MED27: variants seen among roughly 807,000 people sequenced by gnomAD.
The protein encoded by MED27 is mediator complex subunit 27, also known as mediator of RNA polymerase II transcription subunit 27.
A neutral mutation model predicts 38.2 loss-of-function variants in MED27; 30 were observed. That is an observed-to-expected ratio of 0.79 (90% confidence interval 0.59 to 1.07). The LOEUF is 1.07. Ranked by LOEUF, MED27 falls within the 50% of genes least tolerant of loss-of-function variation. The probability of loss-of-function intolerance (pLI) is 0.00; values close to 1 mark genes in which losing one functional copy is unlikely to be tolerated. For synonymous variants in MED27, 122 were observed against 153.5 expected, an observed-to-expected ratio of 0.79 and a Z score of 1.52; for missense variants, 289 against 397.5, an observed-to-expected ratio of 0.73 and a Z score of 2.32.
intron 2 of MED27, among the ~76,000 whole-genome samples, chr9:132,052,046 G>C (rs1833475592): frequency 6.6e-6 from 1 of 152,164 alleles, no homozygotes; most frequent in Non-Finnish European, 1.5e-5. Context: ...TCCAGCCCAA[G>C]CATGAGATTT....
chr9:131,926,243 T>C (rs1830481279), intron 4 of MED27, among the ~76,000 whole-genome samples: 1 of 152,266 alleles, frequency 6.6e-6, no homozygotes, highest in African/African-American at 2.4e-5. Context: ...ACTATGCCTT[T>C]ATCTCCAGGG....
chr9:131,939,284 C>T (rs1589223275), intron 4 of MED27, 97 bp downstream of exon 4: 1 of 633,612 alleles, frequency 1.6e-6, no homozygotes, highest in Non-Finnish European at 2.5e-6. Context: ...GGAATTTAAT[C>T]CCCATTCTCT....
Position 131,966,761 on chromosome 9 carries a change from T to C in MED27, c.480-27287A>G, listed in dbSNP as rs531123357. The stretch of plus-strand genomic sequence containing the variant: ...TCTGGCAGGACCTGAGCTAGCTATG[T>C]GACCCTAGCCAAGTCACTTAACCTC... On this transcript the variant is annotated intron_variant, in intron 3 of 7. Transcript: ENST00000292035. Among the ~76,000 whole-genome samples the C allele has an allele frequency of 4.6e-5, 7 of 152,330 alleles. No individual in the cohort carries two copies. The East Asian group carries it at 1.4e-3, about 29-fold the overall frequency.
intron 4 of MED27, among the ~76,000 whole-genome samples, chr9:131,923,657 C>G (rs1830435068): frequency 6.6e-6 from 1 of 152,130 alleles, no homozygotes; most frequent in Non-Finnish European, 1.5e-5. Context: ...GTCAGAACTA[C>G]ATAAGAAGGT....
At chr9:131,975,255 A>C (rs550978940) in intron 3 of MED27, among the ~76,000 whole-genome samples, 258 of 152,352 alleles carry the variant, frequency 1.7e-3, no homozygotes, top group African/African-American at 5.9e-3. Flanking sequence ...TTGTACCTCC[A>C]CTATGAGAAG....
rs12352778 is a variant in MED27 at position 132,009,414 on chromosome 9, C to T, written c.479+4923G>A. On this transcript the variant is annotated intron_variant, in intron 3 of 7. Transcript: ENST00000292035. Reference sequence around the variant, plus strand: ...AATGAACAGAATGGGGTAGAACTGACGCTGTGTGTCTTCTGAGATTAGGTC... The same window carrying T: ...AATGAACAGAATGGGGTAGAACTGATGCTGTGTGTCTTCTGAGATTAGGTC... Among the ~76,000 whole-genome samples the T allele has an allele frequency of 8.2e-3, 1,253 of 152,282 alleles. 20 individuals carry two copies. The highest frequency in any genetic ancestry group is 0.029 in the African/African-American group (1,187 of 41,530).
At chr9:132,061,998 T>C (rs536843883) in intron 2 of MED27, among the ~76,000 whole-genome samples, 4 of 152,278 alleles carry the variant, frequency 2.6e-5, no homozygotes, top group South Asian at 2.1e-4. Flanking sequence ...AACACAGACA[T>C]TGCAGCAGCC....
chr9:132,031,343 CATAAT>C (rs1336600407), intron 2 of MED27, among the ~76,000 whole-genome samples: 2 of 152,212 alleles, frequency 1.3e-5, no homozygotes, highest in Non-Finnish European at 2.9e-5. Flanking sequence ...ATTTCATAGT[CATAAT>C]AATGTAAAAA....
rs542745900 is a variant in MED27 at position 131,902,305 on chromosome 9, C to T, written c.574-8313G>A. Among the ~76,000 whole-genome samples the T allele has an allele frequency of 7.2e-5, 11 of 152,276 alleles. No homozygotes were observed. The South Asian group carries it at 1.9e-3, about 26-fold the overall frequency. On this transcript the variant is annotated intron_variant, in intron 4 of 7. Transcript: ENST00000292035. ...GTGCTGGGCGGAACTGTCCTCTTAA[C>T]AGCAGGCTCGAGAGCTGCGGCAGCA...
intron 4 of MED27, among the ~76,000 whole-genome samples, chr9:131,919,928 C>T (rs1475851928): frequency 1.3e-5 from 2 of 151,700 alleles, no homozygotes; most frequent in African/African-American, 4.8e-5. Context: ...CCCATCTTAG[C>T]CTCCCGAGTA....
At chr9:132,039,626 G>C (rs1326045039) in intron 2 of MED27, among the ~76,000 whole-genome samples, 1 of 152,158 alleles carries the variant, frequency 6.6e-6, no homozygotes, top group Non-Finnish European at 1.5e-5. Flanking sequence ...CTGGATCCAA[G>C]GTACACTTCA....
chr9:131,926,691 T>C (rs1488065115), intron 4 of MED27, among the ~76,000 whole-genome samples: 1 of 152,252 alleles, frequency 6.6e-6, no homozygotes, highest in Non-Finnish European at 1.5e-5. Flanking sequence ...CAGTCTTTCC[T>C]ACCTCAAAGA....
chr9:131,873,220 A>G (rs865847874), intron 6 of MED27, among the ~76,000 whole-genome samples: 1 of 152,210 alleles, frequency 6.6e-6, no homozygotes, highest in Non-Finnish European at 1.5e-5. Context: ...AGTGTGTTAA[A>G]TGTTTAAAGA....
chr9:131,860,405 A>G lies in MED27; in HGVS notation c.*133T>C. On this transcript the variant is annotated 3_prime_UTR_variant, in exon 8 of 8. Coordinates refer to ENST00000292035, the MANE Select transcript of MED27 (RefSeq NM_004269.4). The surrounding 1 kb of genome is among the most constrained non-coding windows in gnomAD (Gnocchi z 5.8). ...CTCTTCAAGAGTGGCCTCTGCACAC[A>G]TGGCGCTGCTTTATGAAAGGGAGGA... 2 of 1,081,888 alleles carry G rather than the reference A, an allele frequency of 1.8e-6. No homozygotes were observed. The highest frequency in any genetic ancestry group is 2.6e-6 in the Non-Finnish European group (2 of 783,568). 67.0% of individuals were successfully genotyped at this position (1,081,888 alleles called of 1,614,324 possible).
rs1289045224 is a variant in MED27, at chr9:132,047,467, C to CAT, written c.348+29974_348+29975insAT. Among the ~76,000 whole-genome samples, 222 of 151,538 alleles carry CAT rather than the reference C, an allele frequency of 1.5e-3. 1 individual carries two copies. Among genetic ancestry groups the CAT allele is most frequent in the African/African-American group, 5.2e-3 (216 of 41,262 alleles). On this transcript the variant is annotated intron_variant, in intron 2 of 7. Coordinates refer to ENST00000292035, the MANE Select transcript of MED27 (RefSeq NM_004269.4). ...ACACACACACACACACACACACACA[C>CAT]ACACACACGTCTTAGTCCACTTGGA...
At chr9:131,962,743 C>A (rs1244447665) in intron 3 of MED27, among the ~76,000 whole-genome samples, 4 of 152,166 alleles carry the variant, frequency 2.6e-5, no homozygotes, top group Non-Finnish European at 5.9e-5. Context: ...TCCATCCCGG[C>A]TGGGTGCTAT....
chr9:131,929,142 G>C (rs1320242603), intron 4 of MED27, among the ~76,000 whole-genome samples: 2 of 152,198 alleles, frequency 1.3e-5, no homozygotes, highest in Non-Finnish European at 2.9e-5. Flanking sequence ...CTCCCTTGAA[G>C]GGATGGACCT....
intron 3 of MED27, among the ~76,000 whole-genome samples, chr9:131,974,854 C>A (rs1351720555): frequency 1.3e-5 from 2 of 152,216 alleles, no homozygotes; most frequent in Admixed American, 6.5e-5. Flanking sequence ...CCAGTTACCT[C>A]ATTTGCTGTC....
chr9:131,904,624 G>T (rs193054051), intron 4 of MED27, among the ~76,000 whole-genome samples: 3 of 152,132 alleles, frequency 2.0e-5, no homozygotes, highest in African/African-American at 7.2e-5. Context: ...CGCCCAAAGT[G>T]CTGGGATTAC....
Sources: allele counts gnomAD v4.1 joint callset (sites outside exome capture counted in the v4.1 genomes callset), GRCh38; gene constraint gnomAD v4.1.1; non-coding constraint Gnocchi (gnomAD v3.1); transcripts MANE v1.5; gene names NCBI Gene and HGNC (gene_info 2026-07-23, HGNC 2026-07-21).